EZH1: variants seen among roughly 807,000 people sequenced by gnomAD.
The protein encoded by EZH1 is enhancer of zeste 1 polycomb repressive complex 2 subunit, also known as histone-lysine N-methyltransferase EZH1.
A neutral mutation model predicts 100.5 loss-of-function variants in EZH1; 33 were observed. The ratio of observed to expected loss-of-function variants is 0.33; its 90% confidence interval spans 0.25 to 0.44. The LOEUF (loss-of-function observed/expected upper bound fraction) is 0.44. Ranked by LOEUF, EZH1 falls within the 20% of genes least tolerant of loss-of-function variation. EZH1 has a pLI of 1.00. For synonymous variants in EZH1, 272 were observed against 313.8 expected, an observed-to-expected ratio of 0.87 and a Z score of 1.41; for missense variants, 475 against 928.4, an observed-to-expected ratio of 0.51 and a Z score of 6.35.
At chr17:42,729,745 GA>G (rs58272031) in intron 2 of EZH1, among the ~76,000 whole-genome samples, 15 of 131,592 alleles carry the variant, frequency 1.1e-4, no homozygotes, top group Admixed American at 1.6e-4. Flanking sequence ...TCTCAAAAAA[GA>G]AAAAAAAAAA....
In EZH1 at chr17:42,737,642, TTTTC is replaced by T. The variant is rs201252452; in HGVS notation, c.-102-6728_-102-6725del. 9.9e-3 allele frequency among the ~76,000 whole-genome samples: 1,510 copies of T among 152,242 alleles called. 28 individuals carry two copies. The highest frequency in any genetic ancestry group is 0.035 in the African/African-American group (1,458 of 41,538). On this transcript the variant is annotated intron_variant, in intron 1 of 20. Coordinates refer to ENST00000428826, the MANE Select transcript of EZH1 (RefSeq NM_001991.5). ...AAACAAACAAACTATTCTTTCTTTTTTTTCTTTCTTAAAAAACAAACTATTCTAA... is the reference window on the plus strand; with the variant it reads ...AAACAAACAAACTATTCTTTCTTTTTTTTCTTAAAAAACAAACTATTCTAA...
Position 42,706,048 on chromosome 17 carries a change from C to T in EZH1, c.1798G>A (p.Val600Ile), listed in dbSNP as rs1315493653. The T allele has an allele frequency of 4.3e-6, 7 of 1,613,934 alleles. No individual in the cohort carries two copies. Among genetic ancestry groups the T allele is most frequent in the Non-Finnish European group, 5.9e-6 (7 of 1,179,940 alleles). Residue 600 changes from valine to isoleucine, a missense_variant, in exon 16 of 21, where the codon GTT becomes ATT. Transcript: ENST00000428826. This position sits in a 1 kb window ranked among gnomAD's most constrained non-coding sequence, Gnocchi z 4.4. ...TGGATGCTGCAGTTTTTACAGGAAA[C>T]CACCTTGCAGTCCCAGTGCTCTGAG... ...GASEHWDCKV[V>I]SCKNCSIQRG...
At position 42,701,758 on chromosome 17, in the gene EZH1, T is replaced by C. The variant is rs2053244484; in HGVS notation, c.*774A>G. On this transcript the variant is annotated 3_prime_UTR_variant, in exon 21 of 21. Transcript: ENST00000428826. ...TTGGAGGAGCTGGAGCACTGGTGTC[T>C]GTTCCCAGGAATCTGAAAACACTTC... 1 of 152,458 alleles carries C rather than the reference T, an allele frequency of 6.6e-6. No homozygotes were observed. The highest frequency in any genetic ancestry group is 2.4e-5 in the African/African-American group (1 of 41,460). The allele number at this position is 152,458 out of a possible 1,614,324, so 9.4% of individuals were successfully genotyped here. A position where few individuals can be genotyped will look rare whatever the true frequency, so the allele number is the denominator to read the frequency against.
In EZH1 at chr17:42,718,122, G is replaced by A; in HGVS notation, c.932-55C>T. On this transcript the variant is annotated intron_variant, in intron 9 of 20. Coordinates refer to ENST00000428826, the MANE Select transcript of EZH1 (RefSeq NM_001991.5). This position sits in a 1 kb window ranked among gnomAD's most constrained non-coding sequence, Gnocchi z 4.2. ...TGGTCTATCCACTTGACAAGATGGG[G>A]AGAAACAAAAGTGAATTAGAGAGCT... 1 of 1,480,672 alleles carries A rather than the reference G, an allele frequency of 6.8e-7. No homozygotes were observed. The highest frequency in any genetic ancestry group is 2.3e-5 in the East Asian group (1 of 44,122). The allele number at this position is 1,480,672 out of a possible 1,614,324, so 91.7% of individuals were successfully genotyped here. A position where few individuals can be genotyped will look rare whatever the true frequency, so the allele number is the denominator to read the frequency against.
chr17:42,719,493 T>A (rs1194561124), intron 7 of EZH1, among the ~76,000 whole-genome samples: 1 of 152,158 alleles, frequency 6.6e-6, no homozygotes, highest in Non-Finnish European at 1.5e-5. Flanking sequence ...AGTCAGTACT[T>A]TGAGAGGCCG....
intron 1 of EZH1, among the ~76,000 whole-genome samples, chr17:42,742,789 T>G (rs982681749): frequency 2.6e-5 from 4 of 152,228 alleles, no homozygotes; most frequent in African/African-American, 4.8e-5. Flanking sequence ...AGCATAAACC[T>G]TGACAATGAT....
chr17:42,738,153 G>T (rs1027735788), intron 1 of EZH1, among the ~76,000 whole-genome samples: 2 of 147,766 alleles, frequency 1.4e-5, no homozygotes, highest in Non-Finnish European at 3.0e-5. Context: ...TCCAGCCTGG[G>T]CGACAGAGCA....
chr17:42,712,641 G>A (rs570941777), intron 11 of EZH1, among the ~76,000 whole-genome samples, 156 bp from the exon 12 acceptor site: 52 of 152,250 alleles, frequency 3.4e-4, no homozygotes, highest in Admixed American at 3.1e-3. Flanking sequence ...GGTGGCTCAC[G>A]CCTGTAATCC....
rs1486857745 is a variant in EZH1 at position 42,720,439 on chromosome 17, AG to A, written c.497del (p.Pro166LeufsTer5). Reference protein sequence around the residue: ...GKVHGEEEMIPGSVLISDAVF... With the variant: ...GKVHGEEEMIXGSVLISDAVF... ...CAGCATCACTAATCAGAACGGATCC[AG>A]GGATCATCTCTGAAACATGAGGATT... On this transcript the variant is annotated frameshift_variant, in exon 7 of 21. Coordinates refer to ENST00000428826, the MANE Select transcript of EZH1 (RefSeq NM_001991.5). LOFTEE classifies it high-confidence loss of function. The A allele has an allele frequency of 6.2e-7, 1 of 1,608,526 alleles. No homozygotes were observed. Among genetic ancestry groups the A allele is most frequent in the Non-Finnish European group, 8.5e-7 (1 of 1,178,236 alleles).
chr17:42,702,631 T>C (rs2053266644), intron 20 of EZH1, 39 bp from the exon 21 acceptor site: 10 of 1,539,540 alleles, frequency 6.5e-6, no homozygotes, highest in South Asian at 5.9e-5. Flanking sequence ...GTTACTCTCA[T>C]GACTTTTGTG....
intron 7 of EZH1, among the ~76,000 whole-genome samples, chr17:42,719,470 C>T (rs374655886): frequency 2.6e-5 from 4 of 152,200 alleles, no homozygotes; most frequent in African/African-American, 4.8e-5. Context: ...AGGTGGCTCA[C>T]GCCTGTAATC....
At chr17:42,719,556 G>A (rs2053666956) in intron 7 of EZH1, among the ~76,000 whole-genome samples, 1 of 152,154 alleles carries the variant, frequency 6.6e-6, no homozygotes, top group Non-Finnish European at 1.5e-5. Flanking sequence ...GGCCAACATG[G>A]TAAAACCCCA....
chr17:42,741,189 G>A (rs1478290437), intron 1 of EZH1, among the ~76,000 whole-genome samples: 5 of 152,166 alleles, frequency 3.3e-5, no homozygotes, highest in African/African-American at 1.2e-4. Context: ...TTTCTGGGAC[G>A]CTACTAGTGA....
intron 2 of EZH1, 144 bp from the exon 3 acceptor site, chr17:42,729,096 G>T: frequency 1.3e-6 from 1 of 782,120 alleles, no homozygotes; most frequent in Non-Finnish European, 1.9e-6. Flanking sequence ...ACCCAAATGT[G>T]TGAGTTCAAC....
In EZH1 at chr17:42,724,294, T is replaced by A. The variant is rs762039438; in HGVS notation, c.366+11A>T. 2.5e-6 allele frequency: 4 copies of A among 1,613,452 alleles called. No homozygotes were observed. The highest frequency in any genetic ancestry group is 3.4e-6 in the Non-Finnish European group (4 of 1,179,590). On this transcript the variant is annotated intron_variant, in intron 5 of 20. Coordinates refer to ENST00000428826, the MANE Select transcript of EZH1 (RefSeq NM_001991.5). The stretch of plus-strand genomic sequence containing the variant: ...AGTTTAAATAACCACCACAGTGCTT[T>A]CAATACATACCATAAAGTTCTGTTG...
chr17:42,729,100 G>A, intron 2 of EZH1, 148 bp from the exon 3 acceptor site: 1 of 738,388 alleles, frequency 1.4e-6, no homozygotes, highest in Non-Finnish European at 2.1e-6. Flanking sequence ...AAATGTGTGA[G>A]TTCAACAGAA....
intron 7 of EZH1, 84 bp from the exon 8 acceptor site, chr17:42,719,291 T>C (rs2053662411): frequency 2.8e-6 from 3 of 1,088,344 alleles, no homozygotes; most frequent in South Asian, 2.6e-5. Flanking sequence ...CCTTTTGTCA[T>C]AGCATTTTGA....
chr17:42,708,745 T>C (rs1158256472), intron 14 of EZH1, 131 bp downstream of exon 14: 2 of 943,416 alleles, frequency 2.1e-6, no homozygotes, highest in East Asian at 4.8e-5. Context: ...CTGTTCTCAG[T>C]TGCTGCAGAG....
chr17:42,722,827 T>C lies in EZH1; in HGVS notation c.455A>G (p.Asn152Ser), dbSNP rs748670427. Residue 152 changes from asparagine to serine, a missense_variant, in exon 6 of 21, where the codon AAT (asparagine) becomes AGT (serine). Physicochemically the swap from Asn to Ser is conservative, Grantham distance 46. This residue lies in a region of EZH1 where 17 missense variants were observed against 68.0 expected (regional missense o/e 0.25). Transcript: ENST00000428826. ...ACCATGGACTTTCCCATCATAGTTA[T>C]TGATCAGCTCCTCAATAAAAGTCTC... is the stretch of plus-strand genomic sequence containing the variant. ...EDETFIEELI[N>S]NYDGKVHGEE... 3.7e-6 allele frequency: 6 copies of C among 1,614,072 alleles called. No individual in the cohort carries two copies. The highest frequency in any genetic ancestry group is 2.7e-5 in the African/African-American group (2 of 75,012).
Sources: gnomAD v4.1 joint callset for allele counts (sites outside exome capture counted in the v4.1 genomes callset) on GRCh38, gnomAD v4.1.1 for gene constraint, gnomAD v4.1.1 regional missense constraint, Gnocchi (gnomAD v3.1) non-coding constraint, MANE v1.5 for transcripts, NCBI Gene and HGNC (gene_info 2026-07-23, HGNC 2026-07-21) for gene names.